GALNT13: variants seen among roughly 807,000 people sequenced by gnomAD.
The protein encoded by GALNT13 is polypeptide N-acetylgalactosaminyltransferase 13, also known as UDP-GalNAc:polypeptide N-acetylgalactosaminyltransferase 13.
A neutral mutation model predicts 64.2 loss-of-function variants in GALNT13; 28 were observed. The ratio of observed to expected loss-of-function variants is 0.44; its 90% confidence interval spans 0.32 to 0.60. The LOEUF (loss-of-function observed/expected upper bound fraction) is 0.60. Ranked by LOEUF, GALNT13 falls within the 20% of genes least tolerant of loss-of-function variation. The probability of loss-of-function intolerance (pLI) is 0.05; values close to 1 mark genes in which losing one functional copy is unlikely to be tolerated. For synonymous variants in GALNT13, 214 were observed against 224.6 expected, an observed-to-expected ratio of 0.95 and a Z score of 0.42; for missense variants, 577 against 669.8, an observed-to-expected ratio of 0.86 and a Z score of 1.53.
At chr2:153,699,885 G>A in the GALNT13 span, among the ~76,000 whole-genome samples, 1 of 152,108 alleles carries the variant, frequency 6.6e-6, no homozygotes, top group Non-Finnish European at 1.5e-5. Context: ...GGACTAGATC[G>A]ATTCACAGCC....
chr2:154,199,456 G>C (rs1205614295), intron 4 of GALNT13, among the ~76,000 whole-genome samples: 1 of 151,860 alleles, frequency 6.6e-6, no homozygotes, highest in Non-Finnish European at 1.5e-5. Context: ...GCACAAAATG[G>C]GTACACTCAA....
At chr2:153,618,967 A>G in the GALNT13 span, among the ~76,000 whole-genome samples, 2 of 151,794 alleles carry the variant, frequency 1.3e-5, no homozygotes, top group African/African-American at 2.4e-5. Context: ...TTGTTTTTTC[A>G]TCCATTTAGC....
chr2:153,287,817 G>T, the GALNT13 span, among the ~76,000 whole-genome samples: 1 of 152,272 alleles, frequency 6.6e-6, no homozygotes, highest in South Asian at 2.1e-4. Context: ...GCAGGCCAGA[G>T]TTATCTTGGA....
chr2:153,676,674 G>T, the GALNT13 span, among the ~76,000 whole-genome samples: 2 of 151,928 alleles, frequency 1.3e-5, no homozygotes, highest in Non-Finnish European at 2.9e-5. Flanking sequence ...TGATCATAGT[G>T]GATACTTGAT....
At chr2:153,494,689 T>G in the GALNT13 span, among the ~76,000 whole-genome samples, 2 of 152,024 alleles carry the variant, frequency 1.3e-5, no homozygotes, top group Non-Finnish European at 2.9e-5. Flanking sequence ...CTTTGTGACC[T>G]TAATGTAGGC....
the GALNT13 span, among the ~76,000 whole-genome samples, chr2:153,264,030 A>G: frequency 6.6e-6 from 1 of 152,144 alleles, no homozygotes; most frequent in African/African-American, 2.4e-5. Context: ...ATGGGAGAAA[A>G]TTTTTGCAAT....
chr2:153,683,966 C>T, the GALNT13 span, among the ~76,000 whole-genome samples: 1 of 151,522 alleles, frequency 6.6e-6, no homozygotes, highest in Non-Finnish European at 1.5e-5. Flanking sequence ...CTATCACTGT[C>T]CTTCAGCAAC....
At chr2:153,803,682 ACT>A in the GALNT13 span, among the ~76,000 whole-genome samples, 1 of 112,574 alleles carries the variant, frequency 8.9e-6, no homozygotes, top group Non-Finnish European at 1.8e-5. Context: ...ACAGATCGAG[ACT>A]CTGTCTCAAA....
the GALNT13 span, among the ~76,000 whole-genome samples, chr2:153,702,542 G>A: frequency 6.6e-6 from 1 of 152,118 alleles, no homozygotes; most frequent in East Asian, 1.9e-4. Flanking sequence ...AGGATGGGGA[G>A]AAGAGCTTCT....
chr2:154,076,249 G>T (rs1286471696), intron 3 of GALNT13, among the ~76,000 whole-genome samples: 1 of 151,710 alleles, frequency 6.6e-6, no homozygotes, highest in Non-Finnish European at 1.5e-5. Flanking sequence ...CATCATTTTA[G>T]TGCACATTGC....
chr2:154,424,049 A>G (rs1359781021), intron 11 of GALNT13, among the ~76,000 whole-genome samples: 1 of 152,192 alleles, frequency 6.6e-6, no homozygotes, highest in Non-Finnish European at 1.5e-5. Context: ...ATTTCTCAAA[A>G]CCATCATCAA....
intron 9 of GALNT13, among the ~76,000 whole-genome samples, chr2:154,385,337 G>C (rs1302524737): frequency 6.6e-6 from 1 of 151,888 alleles, no homozygotes; most frequent in Non-Finnish European, 1.5e-5. Flanking sequence ...TGTTAGGTCA[G>C]GGAGAATTTG....
the GALNT13 span, among the ~76,000 whole-genome samples, chr2:153,549,825 T>C: frequency 6.6e-6 from 1 of 152,212 alleles, no homozygotes; most frequent in Non-Finnish European, 1.5e-5. Context: ...CTGATGACCA[T>C]ATTAAAAACA....
the GALNT13 span, among the ~76,000 whole-genome samples, chr2:153,339,081 C>T: frequency 1.3e-5 from 2 of 152,174 alleles, no homozygotes; most frequent in African/African-American, 4.8e-5. Flanking sequence ...CTGTAATAAG[C>T]ATGAGAATGC....
At chr2:153,594,494 A>G in the GALNT13 span, among the ~76,000 whole-genome samples, 1,877 of 152,088 alleles carry the variant, frequency 0.012, 37 homozygotes, top group African/African-American at 0.042. Flanking sequence ...CCTTTAAGTG[A>G]TCATATTGCA....
At chr2:153,478,260 C>T in the GALNT13 span, 1 of 1,613,624 alleles carries the variant, frequency 6.2e-7, no homozygotes, top group Non-Finnish European at 8.5e-7. Flanking sequence ...CGACCACCGC[C>T]TCCACCTCCT....
chr2:154,032,357 G>A (rs1465198617), intron 3 of GALNT13, among the ~76,000 whole-genome samples: 1 of 151,748 alleles, frequency 6.6e-6, no homozygotes, highest in African/African-American at 2.4e-5. Context: ...AACCTTTTAA[G>A]AAAAAAATAA....
chr2:153,554,143 T>C, the GALNT13 span, among the ~76,000 whole-genome samples: 22 of 149,040 alleles, frequency 1.5e-4, no homozygotes, highest in South Asian at 2.1e-4. Flanking sequence ...GGTGAAACCC[T>C]GTCTCTACTA....
In GALNT13 at chr2:154,245,670, C is replaced by A; in HGVS notation, c.687-142C>A. ...TAGTCAAAGGAAATAATTCCATGGA[C>A]TAATAGGATAAAATGAAGCTAAAGG... On this transcript the variant is annotated intron_variant, in intron 6 of 12. Coordinates refer to ENST00000392825, the MANE Select transcript of GALNT13 (RefSeq NM_052917.4). The A allele has an allele frequency of 9.2e-6, 5 of 542,174 alleles. No individual in the cohort carries two copies. The Admixed American group carries it at 1.3e-4, about 14-fold the overall frequency. 33.6% of individuals were successfully genotyped at this position (542,174 alleles called of 1,614,324 possible).
Sources: allele counts gnomAD v4.1 joint callset (sites outside exome capture counted in the v4.1 genomes callset), GRCh38; gene constraint gnomAD v4.1.1; transcripts MANE v1.5; gene names NCBI Gene and HGNC (gene_info 2026-07-23, HGNC 2026-07-21).